The following TEX12 variants were observed in gnomAD, a reference collection of about 807,000 sequenced individuals.
TEX12 encodes the protein testis-expressed protein 12.
In TEX12, 7 loss-of-function variants were observed where a neutral mutation model predicts 14.6. That is an observed-to-expected ratio of 0.48 (90% CI 0.27 to 0.90). The LOEUF (loss-of-function observed/expected upper bound fraction) is 0.90, where lower values mean the gene tolerates loss of function less well. Ranked by LOEUF, TEX12 falls within the 40% of genes least tolerant of loss-of-function variation. TEX12 has a pLI of 0.12. For missense variants in TEX12, 121 were observed against 135.7 expected (o/e 0.89, Z 0.54); for synonymous variants, 57 against 49.1 (o/e 1.16, Z -0.67).
chr11:112,169,424 G>A (rs1866765579), intron 2 of TEX12, 93 bp downstream of exon 2: 2 of 951,556 alleles, frequency 2.1e-6, no homozygotes, highest in South Asian at 1.4e-5. Flanking sequence ...AGATAAGTGG[G>A]ATTTAATGTA....
At chr11:112,169,374 T>C (rs1170186505) in intron 2 of TEX12, 43 bp downstream of exon 2, 2 of 1,444,888 alleles carry the variant, frequency 1.4e-6, no homozygotes, top group South Asian at 2.3e-5. Context: ...TATTCTGTTT[T>C]ACATACTACT....
At chr11:112,170,395 GT>G (rs1866775691) in intron 2 of TEX12, 23 bp from the exon 3 acceptor site, 1 of 1,442,086 alleles carries the variant, frequency 6.9e-7, no homozygotes. Context: ...GACTGTACCT[GT>G]TTTCTTTATT....
At chr11:112,170,271 A>G (rs1471846816) in intron 2 of TEX12, 148 bp from the exon 3 acceptor site, 1 of 512,554 alleles carries the variant, frequency 2.0e-6, no homozygotes, top group Non-Finnish European at 3.4e-6. Flanking sequence ...TTCCTTAATA[A>G]TAAAAACTCA....
intron 1 of TEX12, among the ~76,000 whole-genome samples, chr11:112,168,702 C>T (rs1334350588): frequency 2.0e-5 from 3 of 152,150 alleles, no homozygotes; most frequent in Non-Finnish European, 2.9e-5. Context: ...CAGGCGCCTG[C>T]CACCACGCCT....
intron 1 of TEX12, among the ~76,000 whole-genome samples, chr11:112,168,083 C>T (rs557554320): frequency 2.2e-4 from 33 of 152,318 alleles, no homozygotes; most frequent in Admixed American, 1.8e-3. Context: ...TGGAGACGTA[C>T]GATACAGAAT....
At chr11:112,169,762 A>G (rs1429481768) in intron 2 of TEX12, among the ~76,000 whole-genome samples, 1 of 152,212 alleles carries the variant, frequency 6.6e-6, no homozygotes, top group Non-Finnish European at 1.5e-5. Context: ...ATTTAGCAAA[A>G]TTTCACAAGC....
chr11:112,169,591 T>C (rs970657283), intron 2 of TEX12, among the ~76,000 whole-genome samples: 1 of 152,214 alleles, frequency 6.6e-6, no homozygotes, highest in Non-Finnish European at 1.5e-5. Flanking sequence ...GCCTTTATGA[T>C]CCATAGGATT....
Position 112,172,087 on chromosome 11 carries a change from G to A in TEX12, c.*171G>A. The A allele has an allele frequency of 2.6e-6, 1 of 392,064 alleles. No individual in the cohort carries two copies. The highest frequency in any genetic ancestry group is 4.4e-6 in the Non-Finnish European group (1 of 227,414). The allele number at this position is 392,064 out of a possible 1,614,324, so 24.3% of individuals were successfully genotyped here. On this transcript the variant is annotated 3_prime_UTR_variant, in exon 5 of 5. Transcript: ENST00000280358. ...AAAAGGAACTTTTAAATTCCTTAAT[G>A]TTAATATTAATGTTCATGTTAATGT...
intron 1 of TEX12, among the ~76,000 whole-genome samples, chr11:112,167,924 A>G (rs1866745810): frequency 2.0e-5 from 3 of 152,200 alleles, no homozygotes; most frequent in Non-Finnish European, 2.9e-5. Flanking sequence ...GGGGAAGGGA[A>G]GAGAGAAAAA....
In TEX12 at chr11:112,172,306, A is replaced by G. The variant is rs4937123; in HGVS notation, c.*390A>G. 0.34 allele frequency: 51,784 copies of G among 151,808 alleles called. 8,996 individuals carry two copies. Among genetic ancestry groups the G allele is most frequent in the South Asian group, 0.58 (2,814 of 4,822 alleles). 9.4% of individuals were successfully genotyped at this position (151,808 alleles called of 1,614,324 possible). A position where few individuals can be genotyped will look rare whatever the true frequency, so the allele number is the denominator to read the frequency against. On this transcript the variant is annotated 3_prime_UTR_variant, in exon 5 of 5. Transcript: ENST00000280358. Reference sequence around the variant, plus strand: ...ATGTTTAATAATATTATACTTTTAGAATATTTTGTTTAAATATCAGATAGT... The same window carrying G: ...ATGTTTAATAATATTATACTTTTAGGATATTTTGTTTAAATATCAGATAGT...
chr11:112,169,779 C>T (rs1866769489), intron 2 of TEX12, among the ~76,000 whole-genome samples: 1 of 152,220 alleles, frequency 6.6e-6, no homozygotes, highest in Non-Finnish European at 1.5e-5. Flanking sequence ...AAGCATTTGG[C>T]TACTGTCTAA....
Position 112,172,023 on chromosome 11 carries a change from C to A in TEX12, c.*107C>A, listed in dbSNP as rs536339497. On this transcript the variant is annotated 3_prime_UTR_variant, in exon 5 of 5. Transcript: ENST00000280358. Reference sequence around the variant, plus strand: ...GAGTTGTTAAAGAAAATGTATATCTCGAATAGAGAAGGGGAAACTCCTTGA... The same window carrying A: ...GAGTTGTTAAAGAAAATGTATATCTAGAATAGAGAAGGGGAAACTCCTTGA... 14 of 839,032 alleles carry A rather than the reference C, an allele frequency of 1.7e-5. No individual in the cohort carries two copies. In the East Asian group the frequency reaches 4.2e-4, roughly 25 times the overall value. The allele number at this position is 839,032 out of a possible 1,614,324, so 52.0% of individuals were successfully genotyped here. A position where few individuals can be genotyped will look rare whatever the true frequency, so the allele number is the denominator to read the frequency against.
At chr11:112,170,362 G>A in intron 2 of TEX12, 57 bp from the exon 3 acceptor site, 1 of 1,186,354 alleles carries the variant, frequency 8.4e-7, no homozygotes, top group South Asian at 1.4e-5. Context: ...TAAACAAAAT[G>A]TATATGTCCT....
At position 112,170,630 on chromosome 11, in the gene TEX12, C is replaced by G; in HGVS notation, c.183C>G (p.Ser61Arg). ...EALEKDLNDVSKEINLMLSTY... is the reference protein window; with the variant it reads ...EALEKDLNDVRKEINLMLSTY... ...ATGATTTTTCTTGAACAGATGTGAG[C>G]AAGGAAATTAATCTAATGTTGTCTA... The change falls in exon 4 of 5, where the codon AGC (serine) becomes AGG (arginine). Residue 61 changes from serine (S) to arginine (R), a missense_variant. Coordinates refer to ENST00000280358, the MANE Select transcript of TEX12 (RefSeq NM_031275.4). 6.2e-7 allele frequency: 1 copy of G among 1,611,398 alleles called. No individual in the cohort carries two copies. Among genetic ancestry groups the G allele is most frequent in the East Asian group, 2.2e-5 (1 of 44,742 alleles).
At position 112,171,960 on chromosome 11, in the gene TEX12, T is replaced by G. The variant is rs1866796620; in HGVS notation, c.*44T>G. Reference sequence around the variant, plus strand: ...GCTGAGAATTTAAACCTATTATTGTTATAATGAAAGAATGACATTTATGCT... The same window carrying G: ...GCTGAGAATTTAAACCTATTATTGTGATAATGAAAGAATGACATTTATGCT... On this transcript the variant is annotated 3_prime_UTR_variant, in exon 5 of 5. Coordinates refer to ENST00000280358, the MANE Select transcript of TEX12 (RefSeq NM_031275.4). 7.5e-7 allele frequency: 1 copy of G among 1,326,260 alleles called. No individual in the cohort carries two copies. The highest frequency in any genetic ancestry group is 2.2e-5 in the South Asian group (1 of 46,258). 82.2% of individuals were successfully genotyped at this position (1,326,260 alleles called of 1,614,324 possible).
Position 112,171,995 on chromosome 11 carries a change from C to T in TEX12, c.*79C>T. On this transcript the variant is annotated 3_prime_UTR_variant, in exon 5 of 5. Coordinates refer to ENST00000280358, the MANE Select transcript of TEX12 (RefSeq NM_031275.4). ...GAATGACATTTATGCTTTGAAAGCT[C>T]TCGAGTTGTTAAAGAAAATGTATAT... 3 of 1,157,516 alleles carry T rather than the reference C, an allele frequency of 2.6e-6. No homozygotes were observed. Among genetic ancestry groups the T allele is most frequent in the South Asian group, 5.7e-5 (2 of 35,304 alleles). The allele number at this position is 1,157,516 out of a possible 1,614,324, so 71.7% of individuals were successfully genotyped here. A position where few individuals can be genotyped will look rare whatever the true frequency, so the allele number is the denominator to read the frequency against.
At chr11:112,169,365 A>T (rs755609447) in intron 2 of TEX12, 34 bp downstream of exon 2, 11 of 1,529,768 alleles carry the variant, frequency 7.2e-6, no homozygotes, top group Admixed American at 3.4e-5. Flanking sequence ...TTAATCTTTT[A>T]TTCTGTTTTA....
intron 1 of TEX12, among the ~76,000 whole-genome samples, chr11:112,168,604 T>A (rs1212124871): frequency 6.6e-6 from 1 of 151,048 alleles, no homozygotes; most frequent in East Asian, 1.9e-4. Flanking sequence ...CAGGCTGGAG[T>A]GCAATGGCAC....
intron 2 of TEX12, 38 bp downstream of exon 2, chr11:112,169,369 T>C (rs777703034): frequency 6.7e-6 from 10 of 1,485,690 alleles, no homozygotes; most frequent in Non-Finnish European, 9.4e-6. Context: ...TCTTTTATTC[T>C]GTTTTACATA....
Sources: gnomAD v4.1 joint callset for allele counts (sites outside exome capture counted in the v4.1 genomes callset) on GRCh38, gnomAD v4.1.1 for gene constraint, MANE v1.5 for transcripts, NCBI Gene and HGNC (gene_info 2026-07-23, HGNC 2026-07-21) for gene names.